Variants in EMC3 observed in about 807,000 individuals in gnomAD.
EMC3 encodes 30 kDa protein.
Under a neutral mutation model 36.6 loss-of-function variants are expected in EMC3, and 13 were observed. The observed-to-expected ratio is 0.35, with a 90% CI of 0.23 to 0.56. The LOEUF (loss-of-function observed/expected upper bound fraction) is 0.56. Among genes scored for constraint, EMC3 ranks in the 20% least tolerant of loss-of-function variants. The pLI, the probability that EMC3 is intolerant of heterozygous loss-of-function variation, is 0.84. For synonymous variants in EMC3, 120 were observed against 111.9 expected, an observed-to-expected ratio of 1.07 and a Z score of -0.46; for missense variants, 220 against 324.5, an observed-to-expected ratio of 0.68 and a Z score of 2.47.
intron 1 of EMC3, among the ~76,000 whole-genome samples, chr3:9,980,020 T>TTA (rs1008786768): frequency 6.6e-6 from 1 of 151,590 alleles, no homozygotes; most frequent in African/African-American, 2.4e-5. Context: ...CTGTATTTTT[T>TTA]TTTTTTTTTT....
chr3:9,973,541 T>C, intron 5 of EMC3, 87 bp downstream of exon 5: 1 of 1,222,118 alleles, frequency 8.2e-7, no homozygotes, highest in Non-Finnish European at 1.2e-6. Context: ...CCCAGGCTGG[T>C]CTCAAACTCA....
At chr3:10,008,249 T>C in intron 1 of EMC3, 2 of 478,838 alleles carry the variant, frequency 4.2e-6, no homozygotes, top group Non-Finnish European at 7.4e-6. Flanking sequence ...CCAGAATTCT[T>C]TCTGGCTGTG....
intron 1 of EMC3, chr3:9,981,587 T>G (rs1397687001): frequency 4.2e-6 from 1 of 236,584 alleles, no homozygotes. Flanking sequence ...CTGAAGGACA[T>G]CTTTTATTTA....
At chr3:9,981,949 A>AT (rs5846650) in intron 1 of EMC3, among the ~76,000 whole-genome samples, 89 of 147,536 alleles carry the variant, frequency 6.0e-4, no homozygotes, top group South Asian at 1.7e-3. Context: ...GTTAAAAAAA[A>AT]TTTTTTTTTT....
chr3:9,966,151 C>G (rs1227308222), intron 7 of EMC3, among the ~76,000 whole-genome samples: 1 of 151,976 alleles, frequency 6.6e-6, no homozygotes, highest in Non-Finnish European at 1.5e-5. Flanking sequence ...TCTCCACATC[C>G]TTACCGACAC....
At chr3:9,989,615 A>G (rs2124924128), upstream of EMC3, among the ~76,000 whole-genome samples, 1 of 152,314 alleles carries the variant, frequency 6.6e-6, no homozygotes, top group Non-Finnish European at 1.5e-5. Context: ...AGCTTTCATG[A>G]TGATGAATAA....
At chr3:10,010,050 C>G (rs965199394) in intron 1 of EMC3, 3 of 152,790 alleles carry the variant, frequency 2.0e-5, no homozygotes, top group African/African-American at 4.8e-5. Context: ...TCTGGTCCCC[C>G]CTGCCTGCCT....
intron 5 of EMC3, among the ~76,000 whole-genome samples, chr3:9,973,183 T>C (rs1426142918): frequency 6.0e-5 from 9 of 150,084 alleles, no homozygotes; most frequent in Admixed American, 6.7e-5. Flanking sequence ...GTTTTTGTTT[T>C]CGTTTTTTGT....
chr3:9,995,784 C>T (rs377313028), intron 1 of EMC3, among the ~76,000 whole-genome samples: 3 of 151,826 alleles, frequency 2.0e-5, no homozygotes, highest in African/African-American at 4.8e-5. Flanking sequence ...ACTACAGGCA[C>T]GTGTCACCAC....
intron 4 of EMC3, 133 bp from the exon 5 acceptor site, chr3:9,973,842 G>A: frequency 1.3e-6 from 1 of 788,732 alleles, no homozygotes; most frequent in Admixed American, 2.3e-5. Flanking sequence ...GAAATCTGTG[G>A]CAATTTCTGA....
chr3:9,987,171 T>C (rs1405840606), upstream of EMC3: 16 of 884,238 alleles, frequency 1.8e-5, no homozygotes, highest in Non-Finnish European at 2.1e-5. Flanking sequence ...CCGAGATTGC[T>C]GCACTGCACT....
intron 1 of EMC3, among the ~76,000 whole-genome samples, chr3:9,985,096 T>G (rs1206310818): frequency 3.9e-5 from 6 of 152,232 alleles, no homozygotes; most frequent in Non-Finnish European, 8.8e-5. Flanking sequence ...GTCACTCTCA[T>G]GCCATGTTAG....
chr3:9,988,428 TAA>T, upstream of EMC3: 1 of 1,359,410 alleles, frequency 7.4e-7, no homozygotes, highest in Non-Finnish European at 1.1e-6. Context: ...TTTGATGTAA[TAA>T]AGTCAGCTAT....
At chr3:9,998,834 G>A (rs778634234) in intron 1 of EMC3, among the ~76,000 whole-genome samples, 28 of 152,144 alleles carry the variant, frequency 1.8e-4, no homozygotes, top group Non-Finnish European at 3.4e-4. Flanking sequence ...CTGGCTCACT[G>A]CAACCTCCAC....
chr3:9,977,261 C>A, intron 2 of EMC3, 128 bp downstream of exon 2: 1 of 921,800 alleles, frequency 1.1e-6, no homozygotes, highest in Non-Finnish European at 1.6e-6. Flanking sequence ...GAGCAAACAC[C>A]ACCAGGCCAC....
intron 5 of EMC3, among the ~76,000 whole-genome samples, chr3:9,971,331 T>G (rs1462560123): frequency 2.0e-5 from 3 of 152,188 alleles, no homozygotes; most frequent in Non-Finnish European, 2.9e-5. Context: ...GAGGCTTCCT[T>G]TAGCTTAGGT....
chr3:9,997,404 G>A (rs2086139881), intron 1 of EMC3, among the ~76,000 whole-genome samples: 1 of 151,978 alleles, frequency 6.6e-6, no homozygotes, highest in Non-Finnish European at 1.5e-5. Flanking sequence ...GTTGTAGCAT[G>A]CATCAGAACT....
chr3:9,982,634 T>C (rs1322341103), intron 1 of EMC3, among the ~76,000 whole-genome samples: 1 of 152,116 alleles, frequency 6.6e-6, no homozygotes, highest in African/African-American at 2.4e-5. Flanking sequence ...ATGCCTATAA[T>C]CCCAATATTG....
intron 7 of EMC3, among the ~76,000 whole-genome samples, chr3:9,966,456 T>G (rs1026267586): frequency 2.6e-5 from 4 of 151,958 alleles, no homozygotes; most frequent in African/African-American, 9.7e-5. Context: ...CTTCTGACCT[T>G]GTGATCCACC....
Sources: allele counts gnomAD v4.1 joint callset (sites outside exome capture counted in the v4.1 genomes callset), GRCh38; gene constraint gnomAD v4.1.1; transcripts MANE v1.5; gene names NCBI Gene and HGNC (gene_info 2026-07-23, HGNC 2026-07-21).